KLHDC4: variants seen among roughly 807,000 people sequenced by gnomAD.
KLHDC4 encodes kelch domain containing 4.
In KLHDC4, 90 loss-of-function variants were observed where a neutral mutation model predicts 62.4. The observed-to-expected ratio is 1.44, with a 90% CI of 1.22 to 1.72. KLHDC4 has a LOEUF of 1.72. KLHDC4 is among the 40% of genes most tolerant of loss of function. KLHDC4 has a pLI of 0.00. For synonymous variants in KLHDC4, 386 were observed against 284.4 expected, an observed-to-expected ratio of 1.36 and a Z score of -3.59; for missense variants, 1,025 against 699.7, an observed-to-expected ratio of 1.47 and a Z score of -5.25.
chr16:87,749,553 C>CAAAA (rs74585020), intron 4 of KLHDC4, among the ~76,000 whole-genome samples: 5 of 76,090 alleles, frequency 6.6e-5, no homozygotes, highest in East Asian at 3.3e-4. Context: ...GACTCCATGT[C>CAAAA]AAAAAAAAAA....
At chr16:87,733,122 G>A (rs373144194) in intron 5 of KLHDC4, among the ~76,000 whole-genome samples, 18 of 149,922 alleles carry the variant, frequency 1.2e-4, no homozygotes, top group Admixed American at 6.0e-4. Context: ...AGCTTCTATC[G>A]GTGAAAAGGC....
At chr16:87,741,874 T>C (rs977410144) in intron 5 of KLHDC4, among the ~76,000 whole-genome samples, 1 of 152,146 alleles carries the variant, frequency 6.6e-6, no homozygotes, top group Non-Finnish European at 1.5e-5. Flanking sequence ...GTAAAAAATA[T>C]TCACTAAAAA....
chr16:87,707,166 T>C (rs141165476), downstream of KLHDC4, among the ~76,000 whole-genome samples: 731 of 152,358 alleles, frequency 4.8e-3, 8 homozygotes, highest in African/African-American at 0.016. Flanking sequence ...TGGCCTTCAG[T>C]CTTGGACTGG....
intron 10 of KLHDC4, chr16:87,708,680 T>C (rs1372527762): frequency 1.5e-5 from 6 of 413,740 alleles, no homozygotes; most frequent in Non-Finnish European, 2.6e-5. Context: ...ACGGCAAACA[T>C]GCAAAAGCAC....
At chr16:87,752,589 C>A (rs1208450503) in intron 4 of KLHDC4, among the ~76,000 whole-genome samples, 1 of 152,108 alleles carries the variant, frequency 6.6e-6, no homozygotes, top group South Asian at 2.1e-4. Context: ...CCCATCCCGG[C>A]CTCCCAAAGT....
chr16:87,714,426 G>A (rs1386079113), intron 8 of KLHDC4, 72 bp downstream of exon 8: 16 of 1,417,442 alleles, frequency 1.1e-5, no homozygotes, highest in Non-Finnish European at 1.3e-5. Flanking sequence ...CACATCCATG[G>A]GAGGGTGTGG....
intron 7 of KLHDC4, among the ~76,000 whole-genome samples, chr16:87,718,291 C>T (rs1308210500): frequency 9.5e-5 from 12 of 126,108 alleles, no homozygotes; most frequent in Non-Finnish European, 1.5e-4. Context: ...CTCGCTCTCC[C>T]TCTCCCTCTC....
intron 5 of KLHDC4, chr16:87,741,055 C>G (rs749180259): frequency 6.6e-6 from 1 of 152,194 alleles, no homozygotes; most frequent in African/African-American, 2.4e-5. Context: ...CATTACCCCC[C>G]TCATTTCCAA....
chr16:87,711,064 T>A, intron 9 of KLHDC4, 171 bp downstream of exon 9: 1 of 628,640 alleles, frequency 1.6e-6, no homozygotes, highest in Non-Finnish European at 2.7e-6. Context: ...GACCAAGGGC[T>A]CTCCAAGCCT....
intron 7 of KLHDC4, among the ~76,000 whole-genome samples, chr16:87,718,970 G>A (rs902737802): frequency 6.6e-6 from 1 of 151,844 alleles, no homozygotes; most frequent in African/African-American, 2.4e-5. Context: ...TCTGAGAAGT[G>A]AGGAGCCCCT....
chr16:87,742,301 G>A (rs966002317), intron 5 of KLHDC4, among the ~76,000 whole-genome samples: 3 of 152,058 alleles, frequency 2.0e-5, no homozygotes, highest in Non-Finnish European at 4.4e-5. Flanking sequence ...CTGACGATCC[G>A]GCCACATAGC....
intron 7 of KLHDC4, among the ~76,000 whole-genome samples, chr16:87,718,688 C>T (rs372893811): frequency 6.7e-6 from 1 of 149,846 alleles, no homozygotes; most frequent in Non-Finnish European, 1.5e-5. Context: ...GGCCGCCCAT[C>T]GTCTGGGATG....
intron 4 of KLHDC4, among the ~76,000 whole-genome samples, chr16:87,751,166 G>A (rs138559549): frequency 3.3e-5 from 5 of 152,324 alleles, no homozygotes; most frequent in Admixed American, 6.5e-5. Flanking sequence ...TCCAGTTAGC[G>A]TGAAATAGAT....
At chr16:87,764,636 G>A (rs1179460504) in intron 1 of KLHDC4, among the ~76,000 whole-genome samples, 14 of 85,420 alleles carry the variant, frequency 1.6e-4, no homozygotes, top group Non-Finnish European at 3.0e-4. Flanking sequence ...CAACAAGAGT[G>A]AAACTCCTTC....
intron 7 of KLHDC4, among the ~76,000 whole-genome samples, chr16:87,718,098 A>T (rs2037363927): frequency 6.6e-6 from 1 of 152,106 alleles, no homozygotes; most frequent in African/African-American, 2.4e-5. Flanking sequence ...CTCCTTCTAC[A>T]GCAGTTTCTT....
intron 4 of KLHDC4, among the ~76,000 whole-genome samples, chr16:87,749,573 A>T (rs1007945161): frequency 6.6e-6 from 1 of 150,478 alleles, no homozygotes; most frequent in East Asian, 2.0e-4. Flanking sequence ...AAAAAAAAAG[A>T]AAGAAAGTGT....
At chr16:87,718,173 AC>A (rs1158439585) in intron 7 of KLHDC4, among the ~76,000 whole-genome samples, 3 of 152,214 alleles carry the variant, frequency 2.0e-5, no homozygotes, top group African/African-American at 7.2e-5. Flanking sequence ...GTAACAGACA[AC>A]GGCCTTGTTG....
chr16:87,703,645 T>TC (rs199967054), downstream of KLHDC4, among the ~76,000 whole-genome samples: 829 of 152,282 alleles, frequency 5.4e-3, 5 homozygotes, highest in African/African-American at 0.019. Context: ...TAAAGGTGGG[T>TC]CCCCTGGGTG....
downstream of KLHDC4, among the ~76,000 whole-genome samples, chr16:87,707,533 G>C (rs1387733858): frequency 6.6e-6 from 1 of 152,228 alleles, no homozygotes; most frequent in African/African-American, 2.4e-5. Flanking sequence ...ACTGGCCCTG[G>C]TCTGCTTTTC....
Sources: allele counts gnomAD v4.1 joint callset (sites outside exome capture counted in the v4.1 genomes callset), GRCh38; gene constraint gnomAD v4.1.1; transcripts MANE v1.5; gene names NCBI Gene and HGNC (gene_info 2026-07-23, HGNC 2026-07-21).